The following MX2 variants were observed in gnomAD, a reference collection of about 807,000 sequenced individuals.
The protein encoded by MX2 is MX dynamin like GTPase 2.
In MX2, 51 loss-of-function variants were observed where a neutral mutation model predicts 74.0. That is an observed-to-expected ratio of 0.69 (90% CI 0.55 to 0.87). The LOEUF is 0.87. Among genes scored for constraint, MX2 ranks in the 40% least tolerant of loss-of-function variants. MX2 has a pLI of 0.00. For missense variants in MX2, 832 were observed against 908.7 expected (o/e 0.92, Z 1.09); for synonymous variants, 369 against 339.3 (o/e 1.09, Z -0.96).
Position 41,377,026 on chromosome 21 carries a change from A to C in MX2, c.120A>C (p.Pro40=). The part of the protein sequence containing the change: ...QQQPPPFGTV[P]PQMMFPPNWQ... ...AGCCACCGCCATTCGGCACAGTGCCACCACAAATGATGTTTCCTCCAAACT... is the reference window on the plus strand; with the variant it reads ...AGCCACCGCCATTCGGCACAGTGCCCCCACAAATGATGTTTCCTCCAAACT... The change falls in exon 2 of 14, where the codon CCA becomes CCC. Residue 40 remains proline (P), a synonymous_variant. Transcript: ENST00000330714. 1.2e-6 allele frequency: 2 copies of C among 1,614,208 alleles called. No individual in the cohort carries two copies. The highest frequency in any genetic ancestry group is 1.7e-6 in the Non-Finnish European group (2 of 1,180,018).
intron 4 of MX2, among the ~76,000 whole-genome samples, chr21:41,382,120 T>C (rs888739281): frequency 1.3e-5 from 2 of 152,210 alleles, no homozygotes; most frequent in African/African-American, 4.8e-5. Flanking sequence ...TGGAAAATGC[T>C]AAAAAGCAGG....
chr21:41,391,904 G>A (rs543989189), intron 6 of MX2, among the ~76,000 whole-genome samples: 3 of 151,924 alleles, frequency 2.0e-5, no homozygotes, highest in South Asian at 4.2e-4. Context: ...GTATCATGGG[G>A]GTTTGTTGTA....
At chr21:41,378,174 G>C (rs184126710) in intron 3 of MX2, among the ~76,000 whole-genome samples, 193 bp downstream of exon 3, 18 of 145,406 alleles carry the variant, frequency 1.2e-4, no homozygotes, top group Admixed American at 1.2e-3. Context: ...CAGGCCTCTG[G>C]GAGACAGGCT....
At chr21:41,378,100 CAG>C (rs1254882911) in intron 3 of MX2, 119 bp downstream of exon 3, 2 of 1,287,772 alleles carry the variant, frequency 1.6e-6, no homozygotes, top group Non-Finnish European at 2.1e-6. Flanking sequence ...CTGGGAAAGA[CAG>C]GACGCTGGGA....
chr21:41,387,529 C>T (rs933244777), intron 5 of MX2, among the ~76,000 whole-genome samples: 1 of 152,152 alleles, frequency 6.6e-6, no homozygotes, highest in Non-Finnish European at 1.5e-5. Flanking sequence ...CACATTGACC[C>T]TGGTTCTTTC....
rs2089507235 is a variant in MX2, at chr21:41,382,325, A to T, written c.578-85A>T. ...CTACTGAAGCTCTCATACCCTGGAA[A>T]GGAGCAGTCATTACCTTCAGGAACT... On this transcript the variant is annotated intron_variant, in intron 4 of 13. Transcript: ENST00000330714. 3.4e-6 allele frequency: 5 copies of T among 1,478,582 alleles called. No homozygotes were observed. In the East Asian group the frequency reaches 1.2e-4, roughly 36 times the overall value. The allele number at this position is 1,478,582 out of a possible 1,614,324, so 91.6% of individuals were successfully genotyped here.
intron 6 of MX2, 144 bp downstream of exon 6, chr21:41,390,847 T>C: frequency 1.1e-6 from 1 of 895,818 alleles, no homozygotes; most frequent in Non-Finnish European, 1.6e-6. Flanking sequence ...CCACTAAAAA[T>C]ACAAAAAAAT....
chr21:41,396,013 G>A (rs9979659), intron 7 of MX2, among the ~76,000 whole-genome samples: 11,548 of 152,300 alleles, frequency 0.076, 612 homozygotes, highest in South Asian at 0.22. Context: ...GACATAAAGC[G>A]TAGAACTCTT....
chr21:41,379,646 C>T (rs2089461049), intron 3 of MX2, among the ~76,000 whole-genome samples: 1 of 152,144 alleles, frequency 6.6e-6, no homozygotes, highest in African/African-American at 2.4e-5. Context: ...CATGCTGACT[C>T]CAGCTGCAGA....
At chr21:41,378,524 C>A (rs59158459) in intron 3 of MX2, among the ~76,000 whole-genome samples, 3 of 152,138 alleles carry the variant, frequency 2.0e-5, no homozygotes. Context: ...AGGTGACAGG[C>A]GAAGCCTTCT....
intron 5 of MX2, among the ~76,000 whole-genome samples, chr21:41,384,116 C>T (rs535266189): frequency 7.2e-5 from 11 of 152,264 alleles, no homozygotes; most frequent in South Asian, 2.1e-4. Flanking sequence ...TCCCTCCTGC[C>T]GCCTTGTGAA....
rs112571901 is a variant in MX2, at chr21:41,376,702, A to G, written c.-71-134A>G. 0.015 allele frequency: 9,918 copies of G among 644,690 alleles called. 683 individuals carry two copies. The African/African-American group carries it at 0.15, about 10-fold the overall frequency. 39.9% of individuals were successfully genotyped at this position (644,690 alleles called of 1,614,324 possible). ...CCCCTCCTGCAGACAGGGGCCCTGCACTGGACCCCTGGTCTCTGCATCTGT... is the reference window on the plus strand; with the variant it reads ...CCCCTCCTGCAGACAGGGGCCCTGCGCTGGACCCCTGGTCTCTGCATCTGT... On this transcript the variant is annotated intron_variant, in intron 1 of 13. Coordinates refer to ENST00000330714, the MANE Select transcript of MX2 (RefSeq NM_002463.2).
At chr21:41,387,032 G>A (rs115939399) in intron 5 of MX2, among the ~76,000 whole-genome samples, 2,055 of 152,284 alleles carry the variant, frequency 0.013, 50 homozygotes, top group African/African-American at 0.045. Context: ...GGTTGGACAA[G>A]CTTAGTCATA....
intron 6 of MX2, among the ~76,000 whole-genome samples, chr21:41,391,266 A>AC (rs2089656699): frequency 6.6e-6 from 1 of 152,194 alleles, no homozygotes; most frequent in African/African-American, 2.4e-5. Flanking sequence ...AGTTTTCTAA[A>AC]AAAAAGGATC....
At chr21:41,406,321 AGGAGTCCTG>A (rs1324364768) in intron 12 of MX2, among the ~76,000 whole-genome samples, 1 of 152,200 alleles carries the variant, frequency 6.6e-6, no homozygotes, top group East Asian at 1.9e-4. Context: ...TGGGTGATGT[AGGAGTCCTG>A]GGATTCCTGG....
At chr21:41,369,153 T>C (rs1397541099) in intron 1 of MX2, among the ~76,000 whole-genome samples, 1 of 152,258 alleles carries the variant, frequency 6.6e-6, no homozygotes, top group Non-Finnish European at 1.5e-5. Context: ...GGGCTAGTTC[T>C]GAAAACAGGA....
chr21:41,394,317 C>T (rs1260003691), intron 6 of MX2, among the ~76,000 whole-genome samples: 1 of 152,176 alleles, frequency 6.6e-6, no homozygotes, highest in Non-Finnish European at 1.5e-5. Flanking sequence ...TCCAATACGG[C>T]TCTGCCATCC....
At chr21:41,404,046 C>T (rs1241444035) in intron 12 of MX2, 4 of 192,252 alleles carry the variant, frequency 2.1e-5, no homozygotes, top group Admixed American at 5.7e-5. Flanking sequence ...GCCTGGTCCC[C>T]AGTCACCAAG....
At position 41,398,992 on chromosome 21, in the gene MX2, G is replaced by A. The variant is rs1235712275; in HGVS notation, c.1245G>A (p.Glu415=). The change falls in exon 9 of 14, where the codon GAG becomes GAA. Residue 415 remains glutamate (E), a synonymous_variant. Coordinates refer to ENST00000330714, the MANE Select transcript of MX2 (RefSeq NM_002463.2). ...RRCGADIPSQ[E]ADKMFFLIEK... The stretch of plus-strand genomic sequence containing the variant: ...GCGGGGCTGACATCCCCAGCCAGGA[G>A]GCCGACAAGATGTTCTTTCTAATTG... 6.2e-7 allele frequency: 1 copy of A among 1,613,730 alleles called. No homozygotes were observed. Among genetic ancestry groups the A allele is most frequent in the Non-Finnish European group, 8.5e-7 (1 of 1,179,784 alleles).
Sources: allele counts gnomAD v4.1 joint callset (sites outside exome capture counted in the v4.1 genomes callset), GRCh38; gene constraint gnomAD v4.1.1; transcripts MANE v1.5; gene names NCBI Gene and HGNC (gene_info 2026-07-23, HGNC 2026-07-21).